The following MAP3K3 variants were observed in gnomAD, a reference collection of about 807,000 sequenced individuals.
MAP3K3 encodes MAP/ERK kinase kinase 3.
In MAP3K3, 12 loss-of-function variants were observed where a neutral mutation model predicts 80.9. That is an observed-to-expected ratio of 0.15 (90% CI 0.10 to 0.24). The LOEUF (loss-of-function observed/expected upper bound fraction) is 0.24. Ranked by LOEUF, MAP3K3 falls within the 10% of genes least tolerant of loss-of-function variation. The pLI, the probability that MAP3K3 is intolerant of heterozygous loss-of-function variation, is 1.00. For missense variants in MAP3K3, 596 were observed against 834.7 expected, an observed-to-expected ratio of 0.71 and a Z score of 3.52; for synonymous variants, 272 against 307.1, an observed-to-expected ratio of 0.89 and a Z score of 1.19.
At chr17:63,651,390 G>C (rs8075257) in intron 3 of MAP3K3, among the ~76,000 whole-genome samples, 49,378 of 151,976 alleles carry the variant, frequency 0.32, 9,295 homozygotes, top group African/African-American at 0.52. Context: ...GGAGGATTGC[G>C]TGAGCCCCAG....
rs2034340829 is a variant in MAP3K3 at position 63,637,015 on chromosome 17, G to A, written c.126+4213G>A. ...GGAAGCTGCAGATTCAGTGTGTGGT[G>A]GGGGACGACAAGGTGGGGACAAACT... On this transcript the variant is annotated intron_variant, in intron 2 of 15. Transcript: ENST00000361733. 7 of 596,646 alleles carry A rather than the reference G, an allele frequency of 1.2e-5. No homozygotes were observed. In the East Asian group the frequency reaches 3.0e-4, roughly 25 times the overall value. The allele number at this position is 596,646 out of a possible 1,614,324, so 37.0% of individuals were successfully genotyped here.
intron 2 of MAP3K3, among the ~76,000 whole-genome samples, chr17:63,641,967 G>A (rs1056087172): frequency 2.6e-5 from 4 of 152,226 alleles, no homozygotes; most frequent in Non-Finnish European, 4.4e-5. Context: ...ACCCACCAGT[G>A]TGAAATGCCT....
chr17:63,645,822 C>A (rs1382051166), intron 2 of MAP3K3, among the ~76,000 whole-genome samples: 1 of 152,162 alleles, frequency 6.6e-6, no homozygotes, highest in African/African-American at 2.4e-5. Flanking sequence ...AGGGATCTTA[C>A]CCTAAGAGCT....
intron 2 of MAP3K3, among the ~76,000 whole-genome samples, chr17:63,642,654 T>C (rs573240796): frequency 6.6e-6 from 1 of 152,234 alleles, no homozygotes; most frequent in African/African-American, 2.4e-5. Context: ...TGAGACTCTG[T>C]CTCAAAAAAT....
At chr17:63,646,470 G>A (rs2034543483) in intron 3 of MAP3K3, among the ~76,000 whole-genome samples, 1 of 152,286 alleles carries the variant, frequency 6.6e-6, no homozygotes, top group Non-Finnish European at 1.5e-5. Context: ...TCCCAGTAGA[G>A]CAGCCCTGGC....
chr17:63,688,775 C>T lies in MAP3K3; in HGVS notation c.779-14C>T, dbSNP rs755876450. 6.9e-6 allele frequency: 11 copies of T among 1,586,462 alleles called. No homozygotes were observed. The Admixed American group carries it at 8.3e-5, about 12-fold the overall frequency. ...GACCTACCCAGAAGCCAGTGATTCC[C>T]CTGTCTTACTCAGATCGGGAAACTC... is the stretch of plus-strand genomic sequence containing the variant. On this transcript the variant is annotated splice_polypyrimidine_tract_variant and intron_variant, in intron 9 of 15. Coordinates refer to ENST00000361733, the MANE Select transcript of MAP3K3 (RefSeq NM_002401.5).
Position 63,685,596 on chromosome 17 carries a change from G to A in MAP3K3, c.710+6G>A. On this transcript the variant is annotated splice_donor_region_variant and intron_variant, in intron 8 of 15. Transcript: ENST00000361733. Reference sequence around the variant, plus strand: ...TTGGACAGGTCAGCAGACAGGTATGGGACTGTGGGTGGTTTGGAGGGTAAT... The same window carrying A: ...TTGGACAGGTCAGCAGACAGGTATGAGACTGTGGGTGGTTTGGAGGGTAAT... The A allele has an allele frequency of 6.2e-7, 1 of 1,613,832 alleles. No individual in the cohort carries two copies. Among genetic ancestry groups the A allele is most frequent in the Non-Finnish European group, 8.5e-7 (1 of 1,179,726 alleles).
intron 6 of MAP3K3, among the ~76,000 whole-genome samples, chr17:63,677,753 G>A (rs1343567175): frequency 1.3e-5 from 2 of 152,190 alleles, no homozygotes; most frequent in Non-Finnish European, 2.9e-5. Context: ...TGTAATCCCT[G>A]CACTTTGGGA....
intron 6 of MAP3K3, among the ~76,000 whole-genome samples, chr17:63,671,436 A>G (rs182249888): frequency 6.6e-6 from 1 of 152,042 alleles, no homozygotes; most frequent in Admixed American, 6.5e-5. Context: ...TTGTATTTTT[A>G]GTAGAGACGG....
intron 4 of MAP3K3, among the ~76,000 whole-genome samples, chr17:63,655,257 C>A (rs767141076): frequency 6.6e-6 from 1 of 152,050 alleles, no homozygotes; most frequent in Admixed American, 6.5e-5. Flanking sequence ...CACTCACTAT[C>A]AGGAGAACAG....
chr17:63,628,062 C>T (rs1423513145), intron 1 of MAP3K3, among the ~76,000 whole-genome samples: 3 of 151,910 alleles, frequency 2.0e-5, no homozygotes, highest in African/African-American at 2.4e-5. Flanking sequence ...TGCACCACCA[C>T]GCCCAGCTAA....
At chr17:63,663,565 G>A (rs1452990237) in intron 5 of MAP3K3, among the ~76,000 whole-genome samples, 3 of 151,984 alleles carry the variant, frequency 2.0e-5, no homozygotes, top group African/African-American at 7.3e-5. Context: ...TATAATCAGA[G>A]TCTTTAAAGC....
chr17:63,648,277 C>A (rs143548939), intron 3 of MAP3K3, among the ~76,000 whole-genome samples: 63 of 152,318 alleles, frequency 4.1e-4, no homozygotes, highest in African/African-American at 1.5e-3. Context: ...AAGAATTTAT[C>A]TCTGATCATG....
chr17:63,679,867 A>G (rs1199199925), intron 6 of MAP3K3, among the ~76,000 whole-genome samples: 1 of 152,154 alleles, frequency 6.6e-6, no homozygotes, highest in Non-Finnish European at 1.5e-5. Context: ...TGTATCTCAG[A>G]TTTTCCATCT....
intron 2 of MAP3K3, among the ~76,000 whole-genome samples, chr17:63,645,196 G>A (rs534006373): frequency 1.3e-5 from 2 of 152,266 alleles, no homozygotes; most frequent in East Asian, 1.9e-4. Flanking sequence ...GATAGACCTC[G>A]GGAGGCCGAG....
In MAP3K3 at chr17:63,633,053, C is replaced by T. The variant is rs183147213; in HGVS notation, c.126+251C>T. Among the ~76,000 whole-genome samples, 77 of 152,054 alleles carry T rather than the reference C, an allele frequency of 5.1e-4. 1 individual carries two copies. Among genetic ancestry groups the T allele is most frequent in the Middle Eastern group, 3.4e-3 (1 of 294 alleles). On this transcript the variant is annotated intron_variant, in intron 2 of 15. Coordinates refer to ENST00000361733, the MANE Select transcript of MAP3K3 (RefSeq NM_002401.5). The stretch of plus-strand genomic sequence containing the variant: ...GACCAGCCTGGCCAACATGGTGAAA[C>T]CCTGTCCCTACTAAAAAACACAAAA...
intron 2 of MAP3K3, among the ~76,000 whole-genome samples, chr17:63,641,201 A>T (rs529247036): frequency 6.6e-6 from 1 of 152,240 alleles, no homozygotes; most frequent in East Asian, 1.9e-4. Flanking sequence ...ACAGATGAGG[A>T]AACTAAGTTA....
intron 4 of MAP3K3, among the ~76,000 whole-genome samples, chr17:63,653,735 TTTTA>T (rs1464251545): frequency 1.9e-4 from 29 of 152,358 alleles, no homozygotes; most frequent in African/African-American, 4.1e-4. Context: ...TCTACTGAGA[TTTTA>T]TTTATTTATC....
Position 63,694,017 on chromosome 17 carries a change from C to T in MAP3K3, c.*240C>T, listed in dbSNP as rs2035644809. 16 of 482,008 alleles carry T rather than the reference C, an allele frequency of 3.3e-5. No individual in the cohort carries two copies. The South Asian group carries it at 4.0e-4, about 12-fold the overall frequency. 29.9% of individuals were successfully genotyped at this position (482,008 alleles called of 1,614,324 possible). ...AGGAGCTCCAGTGTCCTGAGCTCAG[C>T]GTGGAGGGGTAGGGGCTGGGAACAG... On this transcript the variant is annotated 3_prime_UTR_variant, in exon 16 of 16. Coordinates refer to ENST00000361733, the MANE Select transcript of MAP3K3 (RefSeq NM_002401.5).
Sources: allele counts gnomAD v4.1 joint callset (sites outside exome capture counted in the v4.1 genomes callset), GRCh38; gene constraint gnomAD v4.1.1; transcripts MANE v1.5; gene names NCBI Gene and HGNC (gene_info 2026-07-23, HGNC 2026-07-21).